Variants in GAB2 observed in about 807,000 individuals in gnomAD.
The protein encoded by GAB2 is GRB2 associated binding protein 2.
GAB2 carries 26 observed loss-of-function variants against 65.5 expected under a neutral mutation model. That is an observed-to-expected ratio of 0.40 (90% confidence interval 0.29 to 0.55). GAB2 has a LOEUF of 0.55. Ranked by LOEUF, GAB2 falls within the 20% of genes least tolerant of loss-of-function variation. The pLI is 0.53. For synonymous variants in GAB2, 321 were observed against 329.6 expected, an observed-to-expected ratio of 0.97 and a Z score of 0.28; for missense variants, 884 against 875.8, an observed-to-expected ratio of 1.01 and a Z score of -0.12.
At chr11:78,294,017 G>GT (rs1447419016) in intron 1 of GAB2, among the ~76,000 whole-genome samples, 1 of 152,070 alleles carries the variant, frequency 6.6e-6, no homozygotes, top group African/African-American at 2.4e-5. Flanking sequence ...GCTGCACCCA[G>GT]TAACTCCTCA....
intron 2 of GAB2, among the ~76,000 whole-genome samples, chr11:78,257,955 G>A (rs2134539585): frequency 6.6e-6 from 1 of 152,204 alleles, no homozygotes; most frequent in East Asian, 1.9e-4. Flanking sequence ...CCTGTGCAGA[G>A]GAAGAACTCC....
intron 1 of GAB2, among the ~76,000 whole-genome samples, chr11:78,353,626 A>T (rs546361663): frequency 7.2e-5 from 11 of 152,256 alleles, no homozygotes; most frequent in African/African-American, 2.7e-4. Context: ...CACTAGCAAC[A>T]TATGTCTACT....
intron 1 of GAB2, among the ~76,000 whole-genome samples, chr11:78,316,444 A>G (rs1855608244): frequency 6.6e-6 from 1 of 152,242 alleles, no homozygotes; most frequent in Admixed American, 6.5e-5. Flanking sequence ...GAACTACAAT[A>G]ACAACAAAAA....
chr11:78,226,808 A>G lies in GAB2; in HGVS notation c.864T>C (p.Asp288=). ...TCTTGAAGGTGTACACATCCTCATT[A>G]TCTGTCTCGGAGCCTGTGAGGCTGC... ...TKGSLTGSET[D]NEDVYTFKTP... is the part of the protein sequence containing the mutation. Residue 288 remains aspartate, a synonymous_variant, in exon 4 of 10, where the codon GAT becomes GAC. Coordinates refer to ENST00000361507, the MANE Select transcript of GAB2 (RefSeq NM_080491.3). The G allele has an allele frequency of 6.2e-7, 1 of 1,614,010 alleles. No homozygotes were observed. The highest frequency in any genetic ancestry group is 8.5e-7 in the Non-Finnish European group (1 of 1,179,978).
At chr11:78,332,540 G>A (rs1401684972) in intron 1 of GAB2, among the ~76,000 whole-genome samples, 1 of 152,212 alleles carries the variant, frequency 6.6e-6, no homozygotes, top group African/African-American at 2.4e-5. Context: ...AATGATGAGA[G>A]AAACGGATCA....
chr11:78,321,811 C>T (rs916402494), intron 1 of GAB2, among the ~76,000 whole-genome samples: 6 of 150,664 alleles, frequency 4.0e-5, no homozygotes, highest in African/African-American at 1.5e-4. Context: ...ACCAATGGAA[C>T]AGAATAGAGA....
intron 1 of GAB2, among the ~76,000 whole-genome samples, chr11:78,410,500 T>C (rs1489597709): frequency 1.3e-5 from 2 of 152,070 alleles, no homozygotes; most frequent in Admixed American, 1.3e-4. Flanking sequence ...TGACATGCTG[T>C]CTCAAAAAAC....
chr11:78,230,143 T>G (rs1396466509), intron 3 of GAB2, among the ~76,000 whole-genome samples: 1 of 152,242 alleles, frequency 6.6e-6, no homozygotes, highest in African/African-American at 2.4e-5. Flanking sequence ...ACGTTTGTTG[T>G]AAGTAAGCAA....
intron 3 of GAB2, among the ~76,000 whole-genome samples, chr11:78,237,319 A>G (rs1186218259): frequency 6.6e-6 from 1 of 152,268 alleles, no homozygotes; most frequent in Non-Finnish European, 1.5e-5. Flanking sequence ...GGAAAAGTGA[A>G]TTGTGATATA....
At chr11:78,392,919 C>T (rs972771439) in intron 1 of GAB2, among the ~76,000 whole-genome samples, 1 of 152,202 alleles carries the variant, frequency 6.6e-6, no homozygotes, top group African/African-American at 2.4e-5. Flanking sequence ...CAACACTTTC[C>T]ACCGTCTTAT....
At chr11:78,228,630 C>T (rs1224068531) in intron 3 of GAB2, among the ~76,000 whole-genome samples, 2 of 152,132 alleles carry the variant, frequency 1.3e-5, no homozygotes, top group African/African-American at 4.8e-5. Flanking sequence ...TAAAGCCAGG[C>T]TTCCTCTCAT....
At chr11:78,396,569 A>T (rs1487799289) in intron 1 of GAB2, among the ~76,000 whole-genome samples, 1 of 152,126 alleles carries the variant, frequency 6.6e-6, no homozygotes, top group Non-Finnish European at 1.5e-5. Context: ...TTAAAAACCT[A>T]TGTTGTAGAT....
At chr11:78,245,699 CT>C (rs1253721746) in intron 3 of GAB2, among the ~76,000 whole-genome samples, 1 of 152,216 alleles carries the variant, frequency 6.6e-6, no homozygotes, top group Non-Finnish European at 1.5e-5. Context: ...GAAAAATAAT[CT>C]TTCACAGTTA....
intron 1 of GAB2, among the ~76,000 whole-genome samples, chr11:78,363,580 T>C (rs975755423): frequency 6.6e-6 from 1 of 150,866 alleles, no homozygotes; most frequent in Non-Finnish European, 1.5e-5. Flanking sequence ...AATAGAAATA[T>C]ATTTTCTTTT....
At position 78,414,338 on chromosome 11, in the gene GAB2, TA is replaced by T. The variant is rs1212281769; in HGVS notation, c.75+3307del. On this transcript the variant is annotated intron_variant, in intron 1 of 9. Transcript: ENST00000361507. ...ATTTAATAAGTATATTTAATAAATA[TA>T]ATGGAAATAAACAATTACTGTTACC... Among the ~76,000 whole-genome samples the T allele has an allele frequency of 7.2e-5, 11 of 152,264 alleles. No homozygotes were observed. In the East Asian group the frequency reaches 1.9e-3, roughly 27 times the overall value.
intron 1 of GAB2, among the ~76,000 whole-genome samples, chr11:78,371,881 C>T (rs1407450833): frequency 2.0e-5 from 3 of 152,168 alleles, no homozygotes; most frequent in East Asian, 3.8e-4. Context: ...ATCCCAGTTC[C>T]ATCTCTTATT....
rs1864165850 is a variant in GAB2, at chr11:78,216,710, C to A, written c.*2562G>T. On this transcript the variant is annotated 3_prime_UTR_variant, in exon 10 of 10. Coordinates refer to ENST00000361507, the MANE Select transcript of GAB2 (RefSeq NM_080491.3). ...CCAGCCAGGTCCACTCACATCATGG[C>A]ACACTCAGAACATGCTCACATGTTT... 6.6e-6 allele frequency: 1 copy of A among 152,292 alleles called. No homozygotes were observed. The highest frequency in any genetic ancestry group is 1.5e-5 in the Non-Finnish European group (1 of 68,086). The allele number at this position is 152,292 out of a possible 1,614,324, so 9.4% of individuals were successfully genotyped here.
intron 5 of GAB2, among the ~76,000 whole-genome samples, chr11:78,224,423 C>A (rs1289185275): frequency 6.6e-6 from 1 of 152,090 alleles, no homozygotes; most frequent in Non-Finnish European, 1.5e-5. Context: ...GTTGTGTTTC[C>A]CCAGTCCAGG....
At chr11:78,296,693 C>T (rs1415007667) in intron 1 of GAB2, among the ~76,000 whole-genome samples, 2 of 152,164 alleles carry the variant, frequency 1.3e-5, no homozygotes, top group Non-Finnish European at 2.9e-5. Flanking sequence ...CGTCAGGAGA[C>T]TCAGATGTTT....
Sources: allele counts gnomAD v4.1 joint callset (sites outside exome capture counted in the v4.1 genomes callset), GRCh38; gene constraint gnomAD v4.1.1; transcripts MANE v1.5; gene names NCBI Gene and HGNC (gene_info 2026-07-23, HGNC 2026-07-21).